The following KSR2 variants were observed in gnomAD, a reference collection of about 807,000 sequenced individuals.
The protein encoded by KSR2 is kinase suppressor of ras 2.
KSR2 carries 25 observed loss-of-function variants against 107.8 expected under a neutral mutation model. That is an observed-to-expected ratio of 0.23 (90% CI 0.17 to 0.32). The LOEUF is 0.32. Among genes scored for constraint, KSR2 ranks in the 10% least tolerant of loss-of-function variants. The pLI is 1.00. For missense variants in KSR2, 887 were observed against 1,268.9 expected (o/e 0.70, Z 4.57); for synonymous variants, 480 against 507.0 (o/e 0.95, Z 0.71).
chr12:117,509,576 C>A (rs1367904565), intron 14 of KSR2, among the ~76,000 whole-genome samples: 1 of 152,206 alleles, frequency 6.6e-6, no homozygotes, highest in East Asian at 1.9e-4. Flanking sequence ...TCAAAGGCAG[C>A]CCTTGTTGCT....
chr12:117,819,080 A>G (rs1444182747), intron 3 of KSR2, among the ~76,000 whole-genome samples: 1 of 151,984 alleles, frequency 6.6e-6, no homozygotes, highest in Non-Finnish European at 1.5e-5. Flanking sequence ...GTCCATCCCC[A>G]CCAAGAAACC....
chr12:117,749,070 C>A (rs1565994258), intron 4 of KSR2, among the ~76,000 whole-genome samples: 1 of 149,102 alleles, frequency 6.7e-6, no homozygotes, highest in Non-Finnish European at 1.5e-5. Context: ...AACACCAAGC[C>A]CCTGACATTT....
At chr12:117,535,604 T>TGTGTGTGTGTGTG in intron 10 of KSR2, among the ~76,000 whole-genome samples, 1 of 142,326 alleles carries the variant, frequency 7.0e-6, no homozygotes, top group East Asian at 2.1e-4. Context: ...TTTCCTGGAG[T>TGTGTGTGTGTGTG]TGTGTGTGTG....
intron 5 of KSR2, among the ~76,000 whole-genome samples, chr12:117,656,986 ATATATATATAT>A (rs1565947169): frequency 4.2e-4 from 12 of 28,876 alleles, no homozygotes; most frequent in African/African-American, 9.1e-4. Context: ...AATAGGATAT[ATATATATATAT>A]ATATATATAT....
chr12:117,508,413 A>G (rs1212604394), intron 14 of KSR2, among the ~76,000 whole-genome samples: 1 of 152,228 alleles, frequency 6.6e-6, no homozygotes, highest in Non-Finnish European at 1.5e-5. Flanking sequence ...AGATTTCAAC[A>G]ACTATTTGCT....
chr12:117,648,204 T>C (rs1175450611), intron 5 of KSR2, among the ~76,000 whole-genome samples: 2 of 152,210 alleles, frequency 1.3e-5, no homozygotes, highest in African/African-American at 4.8e-5. Context: ...AATCTAGATG[T>C]CTGGCTTCTC....
intron 16 of KSR2, among the ~76,000 whole-genome samples, chr12:117,483,788 A>C (rs1872306530): frequency 6.6e-6 from 1 of 152,244 alleles, no homozygotes; most frequent in Non-Finnish European, 1.5e-5. Context: ...ACAACTCAGC[A>C]GCAGCTACCC....
chr12:117,656,866 T>A (rs934039142), intron 5 of KSR2, among the ~76,000 whole-genome samples: 2 of 150,434 alleles, frequency 1.3e-5, no homozygotes, highest in African/African-American at 4.9e-5. Flanking sequence ...CAGCCTATTG[T>A]AGGACCTTGT....
At chr12:117,472,702 G>A (rs1566121840) in intron 17 of KSR2, among the ~76,000 whole-genome samples, 1 of 152,186 alleles carries the variant, frequency 6.6e-6, no homozygotes, top group African/African-American at 2.4e-5. Flanking sequence ...GTGTTCGGAT[G>A]TCAAGTTAGA....
At chr12:117,632,744 G>A (rs1227568143) in intron 5 of KSR2, among the ~76,000 whole-genome samples, 1 of 152,134 alleles carries the variant, frequency 6.6e-6, no homozygotes, top group Non-Finnish European at 1.5e-5. Context: ...CTGTGTCCAT[G>A]TGTGCTCAAT....
intron 3 of KSR2, among the ~76,000 whole-genome samples, chr12:117,814,895 C>G (rs976699725): frequency 6.6e-6 from 1 of 152,148 alleles, no homozygotes; most frequent in Non-Finnish European, 1.5e-5. Flanking sequence ...ACTCATGTCA[C>G]AGCAAAAGGC....
Position 117,655,915 on chromosome 12 carries a change from G to C in KSR2, c.1171+11559C>G, listed in dbSNP as rs141273419. On this transcript the variant is annotated intron_variant, in intron 5 of 19. Coordinates refer to ENST00000339824, the MANE Select transcript of KSR2 (RefSeq NM_173598.6). ...CATGCACTGTGATTAAGATCAATGG[G>C]AAACTACAACAGCCCAATCCAGGCA... Among the ~76,000 whole-genome samples, 633 of 152,240 alleles carry C rather than the reference G, an allele frequency of 4.2e-3. 4 individuals carry two copies. Among genetic ancestry groups the C allele is most frequent in the African/African-American group, 0.014 (569 of 41,556 alleles).
intron 19 of KSR2, among the ~76,000 whole-genome samples, chr12:117,468,581 C>G (rs1871268401): frequency 6.6e-6 from 1 of 152,166 alleles, no homozygotes; most frequent in African/African-American, 2.4e-5. Flanking sequence ...AGGACGCCGC[C>G]TTGGGGAACT....
chr12:117,857,681 C>T (rs1196698832), intron 2 of KSR2, among the ~76,000 whole-genome samples: 1 of 152,246 alleles, frequency 6.6e-6, no homozygotes. Flanking sequence ...TTTATTATCA[C>T]AAAAACTACT....
intron 3 of KSR2, among the ~76,000 whole-genome samples, chr12:117,786,824 G>A (rs1391276975): frequency 6.6e-6 from 1 of 151,772 alleles, no homozygotes; most frequent in Non-Finnish European, 1.5e-5. Flanking sequence ...GAGGTCGGGA[G>A]TTCGAGACCA....
At chr12:117,801,091 T>C (rs907595397) in intron 3 of KSR2, among the ~76,000 whole-genome samples, 1 of 151,992 alleles carries the variant, frequency 6.6e-6, no homozygotes, top group African/African-American at 2.4e-5. Flanking sequence ...CTAGAATGAT[T>C]TATAATCCTT....
At chr12:117,615,022 G>A (rs1010059956) in intron 5 of KSR2, among the ~76,000 whole-genome samples, 22 of 151,832 alleles carry the variant, frequency 1.4e-4, no homozygotes, top group African/African-American at 1.7e-4. Context: ...CTAGGATGCC[G>A]TCCCTTCTCT....
At chr12:117,551,238 T>TTCTTCCTCCTTCTTTCTCCTTCTCTTCC (rs1877286388) in intron 9 of KSR2, among the ~76,000 whole-genome samples, 1 of 152,042 alleles carries the variant, frequency 6.6e-6, no homozygotes, top group Non-Finnish European at 1.5e-5. Context: ...TGTCTTCCTC[T>TTCTTCCTCCTTCTTTCTCCTTCTCTTCC]TCTTCCTCCT....
chr12:117,795,691 C>A (rs1162966859), intron 3 of KSR2, among the ~76,000 whole-genome samples: 1 of 152,008 alleles, frequency 6.6e-6, no homozygotes, highest in African/African-American at 2.4e-5. Flanking sequence ...TGCAGTGGTA[C>A]AATCATAGCT....
Sources: gnomAD v4.1 joint callset for allele counts (sites outside exome capture counted in the v4.1 genomes callset) on GRCh38, gnomAD v4.1.1 for gene constraint, MANE v1.5 for transcripts, NCBI Gene and HGNC (gene_info 2026-07-23, HGNC 2026-07-21) for gene names.